ADGRB1: variants seen among roughly 807,000 people sequenced by gnomAD.
ADGRB1 encodes adhesion G protein-coupled receptor B1, also known as brain-specific angiogenesis inhibitor 1.
In ADGRB1, 36 loss-of-function variants were observed where a neutral mutation model predicts 175.7. That is an observed-to-expected ratio of 0.20 (90% CI 0.16 to 0.27). The LOEUF (loss-of-function observed/expected upper bound fraction) is 0.27, where lower values mean the gene tolerates loss of function less well. Ranked by LOEUF, ADGRB1 falls within the 10% of genes least tolerant of loss-of-function variation. ADGRB1 has a pLI of 1.00. For synonymous variants in ADGRB1, 1,054 were observed against 979.4 expected (o/e 1.08, Z -1.42); for missense variants, 1,731 against 2,255.3 (o/e 0.77, Z 4.71).
At chr8:142,450,878 C>T (rs1839307024) in intron 1 of ADGRB1, among the ~76,000 whole-genome samples, 1 of 152,178 alleles carries the variant, frequency 6.6e-6, no homozygotes, top group South Asian at 2.1e-4. Flanking sequence ...CGCGGATAAG[C>T]CGCTCTCAAC....
At chr8:142,498,304 C>T (rs1016976612) in intron 17 of ADGRB1, among the ~76,000 whole-genome samples, 1 of 152,224 alleles carries the variant, frequency 6.6e-6, no homozygotes, top group East Asian at 1.9e-4. Context: ...GCACACAGCA[C>T]CCCTCAGGAG....
intron 19 of ADGRB1, among the ~76,000 whole-genome samples, chr8:142,519,440 G>A (rs1056940241): frequency 1.3e-5 from 2 of 152,208 alleles, no homozygotes; most frequent in Non-Finnish European, 2.9e-5. Flanking sequence ...TCTCCAGCTG[G>A]GTGGACCTCA....
chr8:142,521,850 G>A (rs1843869390), intron 20 of ADGRB1, 115 bp from the exon 21 acceptor site: 1 of 1,243,634 alleles, frequency 8.0e-7, no homozygotes, highest in East Asian at 2.5e-5. Context: ...GACCTGGTTG[G>A]GTCCCAGTGA....
chr8:142,474,470 G>A lies in ADGRB1; in HGVS notation c.785-1004G>A, dbSNP rs1217001188. The stretch of plus-strand genomic sequence containing the variant: ...GTACATGAGCCCAGAGTGCTGGGCA[G>A]GAGGCCCGAGCGGGAGGCCTGGACG... On this transcript the variant is annotated intron_variant, in intron 2 of 30. Transcript: ENST00000517894. The surrounding 1 kb of genome is among the most constrained non-coding windows in gnomAD (Gnocchi z 5.8). Among the ~76,000 whole-genome samples, 1 of 152,202 alleles carries A rather than the reference G, an allele frequency of 6.6e-6. No homozygotes were observed. The highest frequency in any genetic ancestry group is 2.4e-5 in the African/African-American group (1 of 41,446).
Position 142,514,692 on chromosome 8 carries a change from C to T in ADGRB1, c.2818-3446C>T, listed in dbSNP as rs61127818. 5.4e-3 allele frequency among the ~76,000 whole-genome samples: 828 copies of T among 152,168 alleles called. 8 individuals carry two copies. Among genetic ancestry groups the T allele is most frequent in the African/African-American group, 0.019 (779 of 41,502 alleles). On this transcript the variant is annotated intron_variant, in intron 18 of 30. Transcript: ENST00000517894. ...GTGTGATCATGGTCAGGGTTCAGCA[C>T]GTGACCAGAATCAGGGCCCAGTGTG...
At chr8:142,524,566 G>A (rs1397227165) in intron 23 of ADGRB1, among the ~76,000 whole-genome samples, 1 of 152,214 alleles carries the variant, frequency 6.6e-6, no homozygotes, top group African/African-American at 2.4e-5. Flanking sequence ...TGCCAGCTGT[G>A]TACCTGCCAG....
intron 2 of ADGRB1, among the ~76,000 whole-genome samples, chr8:142,469,978 T>C (rs1201523001): frequency 6.6e-6 from 1 of 152,164 alleles, no homozygotes; most frequent in Non-Finnish European, 1.5e-5. Context: ...TCCGTCCATG[T>C]CCCTAGCAGG....
Position 142,542,152 on chromosome 8 carries a change from A to T in ADGRB1, c.3918A>T (p.Ser1306=). Residue 1306 remains serine (S), a synonymous_variant, in exon 28 of 31, where the codon TCA becomes TCT. Coordinates refer to ENST00000517894, the MANE Select transcript of ADGRB1 (RefSeq NM_001702.3). The surrounding 1 kb of genome is among the most constrained non-coding windows in gnomAD (Gnocchi z 6.3). ...CCCTGCCCGACTTCCCCAACCACTC[A>T]CTGACCCTCAAGAGGGACAAGGCGC... is the stretch of plus-strand genomic sequence containing the variant. The part of the protein sequence containing the change: ...GGPLPDFPNH[S]LTLKRDKAPK... 3 of 1,612,678 alleles carry T rather than the reference A, an allele frequency of 1.9e-6. No individual in the cohort carries two copies. The highest frequency in any genetic ancestry group is 2.5e-6 in the Non-Finnish European group (3 of 1,179,544).
chr8:142,450,132 G>A (rs1839249772), intron 1 of ADGRB1, 28 bp downstream of exon 1: 2 of 148,642 alleles, frequency 1.3e-5, no homozygotes, highest in African/African-American at 4.9e-5. Context: ...GGGGGGCTGG[G>A]GGCGCGGCGG....
intron 2 of ADGRB1, among the ~76,000 whole-genome samples, chr8:142,468,676 C>T (rs538668279): frequency 3.0e-4 from 46 of 152,240 alleles, no homozygotes; most frequent in Admixed American, 3.0e-3. Flanking sequence ...AGGAAGTCTT[C>T]CCTAGAGACC....
chr8:142,526,256 G>T (rs1314829736), intron 23 of ADGRB1, among the ~76,000 whole-genome samples: 4 of 152,184 alleles, frequency 2.6e-5, no homozygotes, highest in Non-Finnish European at 5.9e-5. Flanking sequence ...GGGGCCTCCG[G>T]GCCCTGTGGG....
chr8:142,494,704 A>T (rs921803879), intron 17 of ADGRB1, among the ~76,000 whole-genome samples: 1 of 150,980 alleles, frequency 6.6e-6, no homozygotes, highest in Non-Finnish European at 1.5e-5. Flanking sequence ...CAGCAACTAG[A>T]TCCGTAACCA....
chr8:142,544,647 C>A lies in ADGRB1; in HGVS notation c.*230C>A. On this transcript the variant is annotated 3_prime_UTR_variant, in exon 31 of 31. Coordinates refer to ENST00000517894, the MANE Select transcript of ADGRB1 (RefSeq NM_001702.3). ...CACAGGGCACCAGAGGCCGAAGGTGCCTCAGACTCCGCCCTCCTCGGGCCG... is the reference window on the plus strand; with the variant it reads ...CACAGGGCACCAGAGGCCGAAGGTGACTCAGACTCCGCCCTCCTCGGGCCG... 1 of 426,754 alleles carries A rather than the reference C, an allele frequency of 2.3e-6. No homozygotes were observed. Among genetic ancestry groups the A allele is most frequent in the South Asian group, 6.2e-5 (1 of 16,132 alleles). The allele number at this position is 426,754 out of a possible 1,614,324, so 26.4% of individuals were successfully genotyped here. A position where few individuals can be genotyped will look rare whatever the true frequency, so the allele number is the denominator to read the frequency against.
chr8:142,480,110 T>A (rs1335661349), intron 9 of ADGRB1, among the ~76,000 whole-genome samples: 3 of 152,174 alleles, frequency 2.0e-5, no homozygotes. Flanking sequence ...TGAATGCCCT[T>A]GCCCGGGGCT....
At chr8:142,520,953 C>T (rs182863505) in intron 20 of ADGRB1, 28 bp downstream of exon 20, 2 of 1,584,592 alleles carry the variant, frequency 1.3e-6, no homozygotes, top group Non-Finnish European at 1.7e-6. Flanking sequence ...CTGCCATGCA[C>T]TTCCCAACAT....
intron 2 of ADGRB1, 129 bp downstream of exon 2, chr8:142,465,111 G>T: frequency 2.3e-6 from 2 of 860,832 alleles, no homozygotes; most frequent in East Asian, 4.1e-5. Flanking sequence ...GGAGGTGGGT[G>T]GGTAGGGGAG....
At chr8:142,476,132 T>G (rs1210136433) in intron 3 of ADGRB1, among the ~76,000 whole-genome samples, 3 of 152,242 alleles carry the variant, frequency 2.0e-5, no homozygotes, top group Non-Finnish European at 4.4e-5. Flanking sequence ...AATGACCCCA[T>G]GCATTTTTTA....
chr8:142,514,460 T>C (rs1312060023), intron 18 of ADGRB1, among the ~76,000 whole-genome samples: 2 of 152,190 alleles, frequency 1.3e-5, no homozygotes, highest in Non-Finnish European at 2.9e-5. Context: ...TGATGCCACC[T>C]GTCTCAGAGT....
intron 11 of ADGRB1, among the ~76,000 whole-genome samples, chr8:142,482,079 C>G (rs1841374851): frequency 6.7e-6 from 1 of 149,588 alleles, no homozygotes; most frequent in South Asian, 2.1e-4. Flanking sequence ...GAGCCCCAAC[C>G]CTGGTCACAC....
Sources: gnomAD v4.1 joint callset for allele counts (sites outside exome capture counted in the v4.1 genomes callset) on GRCh38, gnomAD v4.1.1 for gene constraint, Gnocchi (gnomAD v3.1) non-coding constraint, MANE v1.5 for transcripts, NCBI Gene and HGNC (gene_info 2026-07-23, HGNC 2026-07-21) for gene names.